Variants in CPED1 observed in about 807,000 individuals in gnomAD.
The protein encoded by CPED1 is cadherin-like and PC-esterase domain-containing protein 1.
CPED1 carries 114 observed loss-of-function variants against 128.2 expected under a neutral mutation model. The ratio of observed to expected loss-of-function variants is 0.89; its 90% CI spans 0.76 to 1.04. CPED1 has a LOEUF of 1.04. Among genes scored for constraint, CPED1 ranks in the 50% least tolerant of loss-of-function variants. The pLI is 0.00. For synonymous variants in CPED1, 462 were observed against 426.7 expected, an observed-to-expected ratio of 1.08 and a Z score of -1.02; for missense variants, 1,211 against 1,207.1, an observed-to-expected ratio of 1.00 and a Z score of -0.05.
intron 18 of CPED1, among the ~76,000 whole-genome samples, chr7:121,246,037 A>C (rs1427406373): frequency 6.6e-6 from 1 of 152,136 alleles, no homozygotes; most frequent in Non-Finnish European, 1.5e-5. Flanking sequence ...TCCAGCCTCC[A>C]TATCCTATAA....
intron 16 of CPED1, among the ~76,000 whole-genome samples, chr7:121,196,359 A>G (rs2116547186): frequency 6.6e-6 from 1 of 152,126 alleles, no homozygotes; most frequent in Non-Finnish European, 1.5e-5. Flanking sequence ...CCTCCATTGT[A>G]CCTTCTGACT....
chr7:121,009,242 A>T (rs544104175), intron 2 of CPED1, among the ~76,000 whole-genome samples: 1 of 151,996 alleles, frequency 6.6e-6, no homozygotes, highest in African/African-American at 2.4e-5. Context: ...TATTAGATAG[A>T]GGGTGGTTGG....
intron 16 of CPED1, among the ~76,000 whole-genome samples, chr7:121,176,621 T>G (rs1796784748): frequency 6.6e-6 from 1 of 152,074 alleles, no homozygotes; most frequent in Non-Finnish European, 1.5e-5. Flanking sequence ...GTGAACGTCA[T>G]GACAATAGCT....
chr7:121,058,139 C>A (rs557121589), intron 4 of CPED1, among the ~76,000 whole-genome samples: 138 of 152,180 alleles, frequency 9.1e-4, no homozygotes, highest in African/African-American at 3.2e-3. Context: ...AGAGAGGTAC[C>A]TGGAGCTGGG....
At chr7:121,049,996 C>G (rs62470956) in intron 4 of CPED1, among the ~76,000 whole-genome samples, 11,850 of 152,194 alleles carry the variant, frequency 0.078, 944 homozygotes, top group African/African-American at 0.2. Context: ...GTTGAGAAAC[C>G]TTGATGTGTT....
In CPED1 at chr7:121,276,386, C is replaced by T. The variant is rs139582795; in HGVS notation, c.2868+4956C>T. Among the ~76,000 whole-genome samples the T allele has an allele frequency of 3.5e-3, 538 of 152,238 alleles. 3 individuals are homozygous for T. The highest frequency in any genetic ancestry group is 0.024 in the Middle Eastern group (7 of 294). ...TTTTCCACGTCTTTCTCCTACACTA[C>T]ATTCCAACTGCCTTGACCTTGTTTA... On this transcript the variant is annotated intron_variant, in intron 22 of 22. Transcript: ENST00000310396.
chr7:121,064,427 C>A, intron 5 of CPED1, 114 bp downstream of exon 5: 1 of 702,844 alleles, frequency 1.4e-6, no homozygotes, highest in South Asian at 1.7e-5. Flanking sequence ...TCTATCAATT[C>A]GGCAATCACA....
chr7:121,266,543 T>A, intron 19 of CPED1, 96 bp downstream of exon 19: 1 of 1,242,060 alleles, frequency 8.1e-7, no homozygotes, highest in Non-Finnish European at 1.2e-6. Context: ...ACATCAAATG[T>A]GCTCAAAAGG....
At chr7:121,104,758 C>T (rs576215274) in intron 7 of CPED1, among the ~76,000 whole-genome samples, 9 of 151,926 alleles carry the variant, frequency 5.9e-5, no homozygotes, top group African/African-American at 9.7e-5. Flanking sequence ...AATGTCTCTT[C>T]GATTGAATTG....
intron 18 of CPED1, among the ~76,000 whole-genome samples, chr7:121,256,578 A>C (rs1395941677): frequency 6.6e-6 from 1 of 152,112 alleles, no homozygotes; most frequent in Admixed American, 6.6e-5. Context: ...GCAGAGCAAA[A>C]AGAACACTTA....
Position 121,289,425 on chromosome 7 carries a change from C to A in CPED1, c.2869-6015C>A, listed in dbSNP as rs112358786. Among the ~76,000 whole-genome samples the A allele has an allele frequency of 1.1e-3, 169 of 152,156 alleles. 1 individual carries two copies. The highest frequency in any genetic ancestry group is 3.9e-3 in the African/African-American group (163 of 41,524). On this transcript the variant is annotated intron_variant, in intron 22 of 22. Transcript: ENST00000310396. ...AATACATTAAAAATGTCCTATAATT[C>A]CTCTACCAAAAGGTCACTATTGTTA...
chr7:121,075,534 C>G (rs1007625105), intron 5 of CPED1, among the ~76,000 whole-genome samples: 6 of 152,082 alleles, frequency 3.9e-5, no homozygotes, highest in Middle Eastern at 3.2e-3. Flanking sequence ...GTGGCGCGAT[C>G]TTGCTGCAAC....
chr7:121,152,691 G>T (rs1476679827), intron 16 of CPED1, among the ~76,000 whole-genome samples: 1 of 152,172 alleles, frequency 6.6e-6, no homozygotes, highest in Admixed American at 6.5e-5. Context: ...AATAAAATAT[G>T]TCTTCAGATT....
intron 7 of CPED1, among the ~76,000 whole-genome samples, chr7:121,105,437 C>T (rs912396928): frequency 2.0e-5 from 3 of 152,184 alleles, no homozygotes; most frequent in Non-Finnish European, 2.9e-5. Flanking sequence ...CTGCAGGCTA[C>T]GAAGCAGACC....
At chr7:121,044,648 C>CTTTTTTTTTTTTTTTTGTTTTTTTTTT (rs35159862) in intron 3 of CPED1, among the ~76,000 whole-genome samples, 1 of 69,540 alleles carries the variant, frequency 1.4e-5, no homozygotes, top group Non-Finnish European at 2.8e-5. Context: ...TGACTTTCTG[C>CTTTTTTTTTTTTTTTTGTTTTTTTTTT]TCTTTTTTTT....
intron 16 of CPED1, among the ~76,000 whole-genome samples, chr7:121,215,280 A>G (rs1797736675): frequency 6.6e-6 from 1 of 152,074 alleles, no homozygotes; most frequent in African/African-American, 2.4e-5. Flanking sequence ...TGTAATAAAC[A>G]CCTCTAAGTC....
At chr7:121,057,834 G>A (rs183642241) in intron 4 of CPED1, among the ~76,000 whole-genome samples, 1 of 152,154 alleles carries the variant, frequency 6.6e-6, no homozygotes, top group Admixed American at 6.5e-5. Context: ...ACATTTATGG[G>A]TAGACGGGGG....
At chr7:121,155,932 C>T (rs1351770294) in intron 16 of CPED1, among the ~76,000 whole-genome samples, 5 of 152,014 alleles carry the variant, frequency 3.3e-5, no homozygotes, top group Admixed American at 1.3e-4. Flanking sequence ...ATGGGAGAAA[C>T]GCCTTGCAAA....
intron 22 of CPED1, among the ~76,000 whole-genome samples, chr7:121,275,918 A>G (rs111692344): frequency 0.012 from 1,751 of 151,778 alleles, 33 homozygotes; most frequent in African/African-American, 0.041. Context: ...AAAAGAAAGA[A>G]ACTTTAAATT....
Sources: gnomAD v4.1 joint callset for allele counts (sites outside exome capture counted in the v4.1 genomes callset) on GRCh38, gnomAD v4.1.1 for gene constraint, MANE v1.5 for transcripts, NCBI Gene and HGNC (gene_info 2026-07-23, HGNC 2026-07-21) for gene names.